SUMF1: variants seen among roughly 807,000 people sequenced by gnomAD.
SUMF1 encodes the protein formylglycine-generating enzyme.
SUMF1 carries 48 observed loss-of-function variants against 47.6 expected under a neutral mutation model. The observed-to-expected ratio is 1.01, with a 90% CI of 0.80 to 1.28. The LOEUF (loss-of-function observed/expected upper bound fraction) is 1.28, where lower values mean the gene tolerates loss of function less well. Among genes scored for constraint, SUMF1 ranks in the 50% most tolerant of loss-of-function variants. SUMF1 has a pLI of 0.00. For missense variants in SUMF1, 571 were observed against 485.4 expected, an observed-to-expected ratio of 1.18 and a Z score of -1.66; for synonymous variants, 230 against 192.1, an observed-to-expected ratio of 1.20 and a Z score of -1.63.
chr3:4,087,999 TAAG>T (rs1692706393), intron 8 of SUMF1, among the ~76,000 whole-genome samples: 1 of 152,106 alleles, frequency 6.6e-6, no homozygotes, highest in Non-Finnish European at 1.5e-5. Context: ...TATTTGATTC[TAAG>T]AAGGTGTAAT....
intron 8 of SUMF1, among the ~76,000 whole-genome samples, chr3:4,133,313 T>G (rs965067961): frequency 6.6e-6 from 1 of 152,132 alleles, no homozygotes; most frequent in Non-Finnish European, 1.5e-5. Flanking sequence ...GTATGAAGGA[T>G]AGTTATATTA....
chr3:4,171,168 C>A (rs1019770180), intron 8 of SUMF1, among the ~76,000 whole-genome samples: 1 of 152,148 alleles, frequency 6.6e-6, no homozygotes, highest in African/African-American at 2.4e-5. Context: ...CAGTTTTTCA[C>A]CCCCATCATG....
At chr3:4,114,335 A>G (rs1271236356) in intron 8 of SUMF1, among the ~76,000 whole-genome samples, 2 of 152,124 alleles carry the variant, frequency 1.3e-5, no homozygotes, top group Non-Finnish European at 2.9e-5. Context: ...CCCTGGGACA[A>G]AAGAAAAAGG....
At chr3:4,264,407 C>T (rs1697147371) in intron 8 of SUMF1, among the ~76,000 whole-genome samples, 2 of 152,188 alleles carry the variant, frequency 1.3e-5, no homozygotes, top group Non-Finnish European at 2.9e-5. Context: ...GTTCCTTTCT[C>T]ACCGTCAAGT....
chr3:4,044,457 T>C (rs1279139016), intron 9 of SUMF1, among the ~76,000 whole-genome samples: 1 of 152,166 alleles, frequency 6.6e-6, no homozygotes, highest in Non-Finnish European at 1.5e-5. Context: ...GCCTACAGAA[T>C]TGGTATTTTT....
chr3:4,242,713 G>A (rs1407714483), intron 8 of SUMF1, among the ~76,000 whole-genome samples: 1 of 152,122 alleles, frequency 6.6e-6, no homozygotes, highest in Non-Finnish European at 1.5e-5. Flanking sequence ...ATGTTCATCA[G>A]GGATATTGGC....
At chr3:4,405,651 G>C (rs888626231) in intron 7 of SUMF1, among the ~76,000 whole-genome samples, 1 of 152,174 alleles carries the variant, frequency 6.6e-6, no homozygotes, top group Admixed American at 6.5e-5. Context: ...GCCTCCCAGA[G>C]TGCTGGGATT....
intron 8 of SUMF1, among the ~76,000 whole-genome samples, chr3:4,300,958 A>T (rs1697949808): frequency 6.6e-6 from 1 of 152,152 alleles, no homozygotes; most frequent in Non-Finnish European, 1.5e-5. Context: ...TACCAAAATC[A>T]TTTAAGTTAA....
At chr3:4,166,425 G>C (rs533200948) in intron 8 of SUMF1, among the ~76,000 whole-genome samples, 3 of 152,262 alleles carry the variant, frequency 2.0e-5, no homozygotes, top group East Asian at 3.9e-4. Context: ...CTGCTAGTCT[G>C]AGAAGGGATC....
chr3:4,392,085 C>T (rs1192597041), intron 7 of SUMF1, among the ~76,000 whole-genome samples: 1 of 152,142 alleles, frequency 6.6e-6, no homozygotes, highest in Non-Finnish European at 1.5e-5. Context: ...GCCTCAGCCT[C>T]CCAAAGTGCT....
intron 8 of SUMF1, among the ~76,000 whole-genome samples, chr3:4,106,003 AT>A (rs111348939): frequency 0.047 from 7,005 of 148,966 alleles, 275 homozygotes; most frequent in African/African-American, 0.1. Flanking sequence ...CCTCTACTTC[AT>A]TTTTTTTTTA....
intron 8 of SUMF1, among the ~76,000 whole-genome samples, chr3:4,151,543 A>G (rs958997646): frequency 3.9e-4 from 45 of 116,708 alleles, no homozygotes; most frequent in Admixed American, 6.4e-4. Context: ...GTGTATATAT[A>G]TGTGTGTGTA....
At chr3:4,281,580 C>CA (rs1177370527) in intron 8 of SUMF1, among the ~76,000 whole-genome samples, 1 of 151,540 alleles carries the variant, frequency 6.6e-6, no homozygotes, top group Non-Finnish European at 1.5e-5. Context: ...CCAAAAAAGC[C>CA]AAAAAATCTC....
intron 8 of SUMF1, among the ~76,000 whole-genome samples, chr3:4,264,575 C>T (rs748017558): frequency 6.6e-6 from 1 of 152,074 alleles, no homozygotes; most frequent in Middle Eastern, 3.2e-3. Context: ...GACTTGTAAA[C>T]GTCTAACTCA....
chr3:4,363,482 G>C (rs148873266), intron 8 of SUMF1, among the ~76,000 whole-genome samples: 4,434 of 151,548 alleles, frequency 0.029, 203 homozygotes, highest in African/African-American at 0.1. Context: ...TCTCTTTGAA[G>C]TAATTGTGAA....
intron 8 of SUMF1, among the ~76,000 whole-genome samples, chr3:4,218,748 T>C (rs1187964172): frequency 2.0e-5 from 3 of 152,182 alleles, no homozygotes; most frequent in Non-Finnish European, 4.4e-5. Flanking sequence ...AGTTTCCAAA[T>C]TGAAAACTAG....
intron 8 of SUMF1, among the ~76,000 whole-genome samples, chr3:4,253,506 C>A (rs1357481407): frequency 2.0e-5 from 3 of 151,876 alleles, no homozygotes; most frequent in East Asian, 1.9e-4. Flanking sequence ...GTGACGGACG[C>A]ACCTGGAAAA....
chr3:4,104,164 G>T (rs532026688), intron 8 of SUMF1, among the ~76,000 whole-genome samples: 7 of 152,058 alleles, frequency 4.6e-5, no homozygotes, highest in Admixed American at 4.6e-4. Flanking sequence ...CATAATGCAG[G>T]CAGTTTCCCC....
At chr3:4,322,354 A>G (rs1698855352) in intron 8 of SUMF1, among the ~76,000 whole-genome samples, 1 of 152,100 alleles carries the variant, frequency 6.6e-6, no homozygotes, top group Non-Finnish European at 1.5e-5. Context: ...ATTGATATGT[A>G]TAATAATGTA....
Sources: gnomAD v4.1 joint callset for allele counts (sites outside exome capture counted in the v4.1 genomes callset) on GRCh38, gnomAD v4.1.1 for gene constraint, MANE v1.5 for transcripts, NCBI Gene and HGNC (gene_info 2026-07-23, HGNC 2026-07-21) for gene names.